Variants in AKT3 observed in about 807,000 individuals in gnomAD.
AKT3 encodes the protein RAC-gamma serine/threonine-protein kinase.
A neutral mutation model predicts 65.3 loss-of-function variants in AKT3; 15 were observed. The ratio of observed to expected loss-of-function variants is 0.23; its 90% CI spans 0.15 to 0.35. The LOEUF is 0.35. Among genes scored for constraint, AKT3 ranks in the 10% least tolerant of loss-of-function variants. The pLI, the probability that AKT3 is intolerant of heterozygous loss-of-function variation, is 1.00. For synonymous variants in AKT3, 206 were observed against 183.8 expected, an observed-to-expected ratio of 1.12 and a Z score of -0.98; for missense variants, 243 against 576.5, an observed-to-expected ratio of 0.42 and a Z score of 5.92.
chr1:243,700,005 G>A (rs1685345339), intron 2 of AKT3, among the ~76,000 whole-genome samples: 1 of 152,180 alleles, frequency 6.6e-6, no homozygotes, highest in African/African-American at 2.4e-5. Flanking sequence ...GTGTGAACCT[G>A]CTGACACCTT....
At chr1:243,512,971 C>T (rs1670113567) in intron 12 of AKT3, among the ~76,000 whole-genome samples, 1 of 152,290 alleles carries the variant, frequency 6.6e-6, no homozygotes, top group Non-Finnish European at 1.5e-5. Context: ...AAAAGGGTTT[C>T]CTGGTAGCCC....
chr1:243,849,396 C>G (rs1006618921), intron 1 of AKT3, among the ~76,000 whole-genome samples: 1 of 130,070 alleles, frequency 7.7e-6, no homozygotes, highest in Non-Finnish European at 1.8e-5. Context: ...ACCCCCCCCC[C>G]CACCCCACCA....
intron 2 of AKT3, among the ~76,000 whole-genome samples, chr1:243,755,052 A>G (rs1224535847): frequency 6.6e-6 from 1 of 151,936 alleles, no homozygotes; most frequent in Non-Finnish European, 1.5e-5. Context: ...TAAATGTATC[A>G]CTCAAGTCCT....
At chr1:243,555,763 T>A (rs2148472309) in intron 10 of AKT3, among the ~76,000 whole-genome samples, 1 of 152,280 alleles carries the variant, frequency 6.6e-6, no homozygotes, top group South Asian at 2.1e-4. Context: ...TCTCATATAA[T>A]TTGGATATAA....
At chr1:243,738,254 T>G (rs1409691018) in intron 2 of AKT3, among the ~76,000 whole-genome samples, 1 of 152,204 alleles carries the variant, frequency 6.6e-6, no homozygotes, top group African/African-American at 2.4e-5. Flanking sequence ...CTGAGCCCAG[T>G]GGCTGCCTGT....
intron 2 of AKT3, among the ~76,000 whole-genome samples, chr1:243,727,733 A>G (rs1361809696): frequency 6.6e-6 from 1 of 152,172 alleles, no homozygotes; most frequent in African/African-American, 2.4e-5. Context: ...TCTGCAGAAA[A>G]GGAACCTCCA....
chr1:243,666,289 C>G (rs1379722636), intron 3 of AKT3, among the ~76,000 whole-genome samples: 2 of 152,170 alleles, frequency 1.3e-5, no homozygotes, highest in Non-Finnish European at 2.9e-5. Context: ...CGGGCTTGAT[C>G]CACCGTATCC....
chr1:243,595,951 T>G (rs755241026), intron 8 of AKT3, among the ~76,000 whole-genome samples: 2 of 152,248 alleles, frequency 1.3e-5, no homozygotes, highest in Admixed American at 6.5e-5. Flanking sequence ...TCTAACTGCA[T>G]GTGCTATGTT....
At chr1:243,669,265 T>C (rs1683010729) in intron 3 of AKT3, among the ~76,000 whole-genome samples, 1 of 152,182 alleles carries the variant, frequency 6.6e-6, no homozygotes, top group Non-Finnish European at 1.5e-5. Flanking sequence ...TGACAGGACA[T>C]AGGAGTATAC....
At chr1:243,808,895 G>T (rs1011408341) in intron 2 of AKT3, among the ~76,000 whole-genome samples, 8 of 152,136 alleles carry the variant, frequency 5.3e-5, no homozygotes, top group African/African-American at 1.9e-4. Flanking sequence ...TTAAAGAAAA[G>T]AATTTTCAAT....
At chr1:243,773,162 T>C (rs1230219844) in intron 2 of AKT3, among the ~76,000 whole-genome samples, 1 of 150,288 alleles carries the variant, frequency 6.7e-6, no homozygotes, top group African/African-American at 2.4e-5. Flanking sequence ...GTTGTGCACA[T>C]GTACCCTAGA....
chr1:243,649,418 C>A (rs1470986142), intron 4 of AKT3, among the ~76,000 whole-genome samples: 1 of 151,196 alleles, frequency 6.6e-6, no homozygotes, highest in African/African-American at 2.4e-5. Context: ...TACACATACA[C>A]ACATACATAC....
chr1:243,520,687 A>G (rs1482691956), intron 12 of AKT3, among the ~76,000 whole-genome samples: 1 of 152,244 alleles, frequency 6.6e-6, no homozygotes, highest in African/African-American at 2.4e-5. Context: ...CTTTATTTGA[A>G]AACCAATTTG....
chr1:243,659,868 TA>T (rs1228008624), intron 4 of AKT3, among the ~76,000 whole-genome samples: 1 of 152,220 alleles, frequency 6.6e-6, no homozygotes, highest in Non-Finnish European at 1.5e-5. Context: ...TAAAGTCATA[TA>T]GATTCAGTTT....
At chr1:243,581,566 TTA>T (rs1675355223) in intron 8 of AKT3, among the ~76,000 whole-genome samples, 1 of 151,774 alleles carries the variant, frequency 6.6e-6, no homozygotes, top group African/African-American at 2.4e-5. Context: ...TATAATAACA[TTA>T]TAGGGAAAGA....
At position 243,511,983 on chromosome 1, in the gene AKT3, A is replaced by G. The variant is rs908084788; in HGVS notation, c.1354+341T>C. 9.8e-5 allele frequency among the ~76,000 whole-genome samples: 15 copies of G among 152,354 alleles called. No individual in the cohort carries two copies. In the East Asian group the frequency reaches 1.2e-3, roughly 12 times the overall value. ...GGTTATGTGGGAATGAACGAAGTCT[A>G]GGAAAGAGGGGAGTCTCTATTTCAC... is the stretch of plus-strand genomic sequence containing the variant. On this transcript the variant is annotated intron_variant, in intron 13 of 13. Coordinates refer to ENST00000673466, the MANE Select transcript of AKT3 (RefSeq NM_005465.7).
intron 7 of AKT3, among the ~76,000 whole-genome samples, 174 bp downstream of exon 7, chr1:243,614,922 A>C (rs1678183850): frequency 6.6e-6 from 1 of 152,204 alleles, no homozygotes. Flanking sequence ...ATCAATGCAT[A>C]CACACTGTAA....
At chr1:243,588,731 A>C (rs921404273) in intron 8 of AKT3, among the ~76,000 whole-genome samples, 1 of 152,210 alleles carries the variant, frequency 6.6e-6, no homozygotes, top group Non-Finnish European at 1.5e-5. Context: ...CATATCAAAA[A>C]ACCAACTCAA....
In AKT3 at chr1:243,783,260, C is replaced by A. The variant is rs538662554; in HGVS notation, c.46+59865G>T. On this transcript the variant is annotated intron_variant, in intron 2 of 13. Transcript: ENST00000673466. ...CTTTCAGCTTCACCTCACCCTCAACCTCTGGGAAGGAAAGAGGAGCTAGAA... is the reference window on the plus strand; with the variant it reads ...CTTTCAGCTTCACCTCACCCTCAACATCTGGGAAGGAAAGAGGAGCTAGAA... Among the ~76,000 whole-genome samples the A allele has an allele frequency of 2.6e-5, 4 of 152,278 alleles. No homozygotes were observed. The East Asian group carries it at 5.8e-4, about 22-fold the overall frequency.
Sources: gnomAD v4.1 joint callset for allele counts (sites outside exome capture counted in the v4.1 genomes callset) on GRCh38, gnomAD v4.1.1 for gene constraint, MANE v1.5 for transcripts, NCBI Gene and HGNC (gene_info 2026-07-23, HGNC 2026-07-21) for gene names.